Variants in ZMYM4 observed in about 807,000 individuals in gnomAD.
The protein encoded by ZMYM4 is zinc finger MYM-type containing 4, also known as zinc finger MYM-type protein 4.
ZMYM4 carries 31 observed loss-of-function variants against 183.2 expected under a neutral mutation model. The ratio of observed to expected loss-of-function variants is 0.17; its 90% confidence interval spans 0.13 to 0.23. The LOEUF is 0.23. ZMYM4 is among the 10% of genes least tolerant of loss of function. ZMYM4 has a pLI of 1.00. For missense variants in ZMYM4, 1,273 were observed against 1,840.3 expected, an observed-to-expected ratio of 0.69 and a Z score of 5.64; for synonymous variants, 592 against 631.2, an observed-to-expected ratio of 0.94 and a Z score of 0.93.
chr1:35,275,168 CTAAA>C (rs1472015809), intron 1 of ZMYM4, among the ~76,000 whole-genome samples: 1 of 152,018 alleles, frequency 6.6e-6, no homozygotes, highest in Non-Finnish European at 1.5e-5. Context: ...AAAATATACA[CTAAA>C]TATTTTGAAG....
chr1:35,342,545 T>G (rs1643240780), intron 2 of ZMYM4, among the ~76,000 whole-genome samples: 2 of 152,114 alleles, frequency 1.3e-5, no homozygotes, highest in Non-Finnish European at 2.9e-5. Context: ...TAACCAATGG[T>G]GTTGAGCATT....
chr1:35,317,133 A>G (rs985756935), intron 1 of ZMYM4, among the ~76,000 whole-genome samples: 2 of 137,634 alleles, frequency 1.5e-5, no homozygotes, highest in South Asian at 4.7e-4. Context: ...AAAAAAAAAA[A>G]AAAAGTTAAA....
Position 35,370,431 on chromosome 1 carries a change from C to A in ZMYM4, c.985C>A (p.Leu329Ile), listed in dbSNP as rs891939560. The A allele has an allele frequency of 1.1e-5, 16 of 1,482,676 alleles. No homozygotes were observed. The highest frequency in any genetic ancestry group is 1.4e-5 in the Non-Finnish European group (16 of 1,111,384). The allele number at this position is 1,482,676 out of a possible 1,614,324, so 91.8% of individuals were successfully genotyped here. The part of the protein sequence containing the change: ...SLASSGMNKM[L>I]PSVPATAVRV... Reference sequence around the variant, plus strand: ...GGCGTCATCTGGCATGAATAAAATGCTTCCTTCAGTTCCAGCCACAGCTGT... The same window carrying A: ...GGCGTCATCTGGCATGAATAAAATGATTCCTTCAGTTCCAGCCACAGCTGT... The change falls in exon 7 of 30, where the codon CTT becomes ATT. Residue 329 changes from leucine (L) to isoleucine (I), a missense_variant. This residue lies in a region of ZMYM4 where 384 missense variants were observed against 465.6 expected (regional missense o/e 0.82). Transcript: ENST00000314607.
chr1:35,306,763 A>G (rs577391988), intron 1 of ZMYM4, among the ~76,000 whole-genome samples: 1 of 152,356 alleles, frequency 6.6e-6, no homozygotes, highest in South Asian at 2.1e-4. Flanking sequence ...CTCCTCTACT[A>G]AAACTTTCTT....
At chr1:35,336,430 A>C (rs1032880010) in intron 2 of ZMYM4, among the ~76,000 whole-genome samples, 1 of 149,504 alleles carries the variant, frequency 6.7e-6, no homozygotes, top group Non-Finnish European at 1.5e-5. Context: ...CTTGTTGCCC[A>C]GGCTCCAGTG....
chr1:35,398,487 T>G, intron 21 of ZMYM4, 21 bp downstream of exon 21: 1 of 1,603,708 alleles, frequency 6.2e-7, no homozygotes, highest in Non-Finnish European at 8.5e-7. Context: ...GAAAATATGT[T>G]TTGATTTTTA....
At position 35,361,479 on chromosome 1, in the gene ZMYM4, T is replaced by C. The variant is rs553206869; in HGVS notation, c.670-140T>C. 4.8e-5 allele frequency: 50 copies of C among 1,039,784 alleles called. No individual in the cohort carries two copies. In the African/African-American group the frequency reaches 7.0e-4, roughly 15 times the overall value. The allele number at this position is 1,039,784 out of a possible 1,614,324, so 64.4% of individuals were successfully genotyped here. On this transcript the variant is annotated intron_variant, in intron 4 of 29. Transcript: ENST00000314607. ...TTTGGACATATAACACAATTACTTTTAGGCGTAGGCATAAGATCCAAAAGC... is the reference window on the plus strand; with the variant it reads ...TTTGGACATATAACACAATTACTTTCAGGCGTAGGCATAAGATCCAAAAGC...
chr1:35,288,475 T>G (rs951061727), intron 1 of ZMYM4, among the ~76,000 whole-genome samples: 3 of 152,224 alleles, frequency 2.0e-5, no homozygotes, highest in Admixed American at 2.0e-4. Context: ...TCTTTCTGAA[T>G]GTCTTTGCTA....
intron 2 of ZMYM4, among the ~76,000 whole-genome samples, chr1:35,348,354 A>G (rs1333222427): frequency 1.3e-5 from 2 of 152,240 alleles, no homozygotes; most frequent in East Asian, 3.8e-4. Flanking sequence ...ACATTGAGAC[A>G]TATACATGTG....
rs12040345 is a variant in ZMYM4 at position 35,398,970 on chromosome 1, A to G, written c.3360A>G (p.Gln1120=). 0.029 allele frequency: 47,548 copies of G among 1,614,000 alleles called. 4,049 individuals are homozygous for G. In the African/African-American group the frequency reaches 0.3, roughly 10 times the overall value. The change falls in exon 22 of 30, where the codon CAA becomes CAG. Residue 1120 remains glutamine, a synonymous_variant. Transcript: ENST00000314607. ...ATGCCTTAAAGTCAAATGCTGTGCA[A>G]GAGGCTGATTCAGAATTGAAGCAGT... ...NHYALKSNAV[Q]EADSELKQFS...
chr1:35,286,526 ATCTT>A, intron 1 of ZMYM4, among the ~76,000 whole-genome samples: 1 of 151,898 alleles, frequency 6.6e-6, no homozygotes. Flanking sequence ...TGAAGTTAGA[ATCTT>A]TATGAGATGG....
At chr1:35,361,131 A>ACT in intron 3 of ZMYM4, 63 bp from the exon 4 acceptor site, 2 of 1,398,052 alleles carry the variant, frequency 1.4e-6, no homozygotes, top group Non-Finnish European at 1.9e-6. Context: ...TTTTTAGGTC[A>ACT]CTCTTTGTAA....
At chr1:35,323,630 G>C (rs1244971936) in intron 1 of ZMYM4, among the ~76,000 whole-genome samples, 2 of 151,640 alleles carry the variant, frequency 1.3e-5, no homozygotes, top group African/African-American at 4.8e-5. Context: ...TGCAAGCTCT[G>C]TCTCCCAGGT....
At chr1:35,291,908 T>G (rs1640782110) in intron 1 of ZMYM4, among the ~76,000 whole-genome samples, 1 of 152,160 alleles carries the variant, frequency 6.6e-6, no homozygotes, top group South Asian at 2.1e-4. Flanking sequence ...GTGCTGGGAT[T>G]ACAGGCATGA....
intron 15 of ZMYM4, 87 bp downstream of exon 15, chr1:35,390,185 T>G: frequency 1.5e-6 from 2 of 1,368,510 alleles, no homozygotes; most frequent in Non-Finnish European, 9.7e-7. Flanking sequence ...GTGTAAACAG[T>G]TGTCATTAAT....
At chr1:35,407,951 C>G in intron 25 of ZMYM4, 57 bp from the exon 26 acceptor site, 2 of 1,603,390 alleles carry the variant, frequency 1.2e-6, no homozygotes, top group East Asian at 2.2e-5. Flanking sequence ...TTCAGTTAAT[C>G]AATGCTACTA....
In ZMYM4 at chr1:35,272,747, C is replaced by T. The variant is rs530133226; in HGVS notation, c.39+3662C>T. ...TTTTTGAGATGGAGTCTTGCTCTGT[C>T]GCCCATGCTGGAGTGCAGTGGCGCT... On this transcript the variant is annotated intron_variant, in intron 1 of 29. Coordinates refer to ENST00000314607, the MANE Select transcript of ZMYM4 (RefSeq NM_005095.3). Among the ~76,000 whole-genome samples, 8 of 152,190 alleles carry T rather than the reference C, an allele frequency of 5.3e-5. No homozygotes were observed. In the South Asian group the frequency reaches 1.5e-3, roughly 28 times the overall value.
intron 25 of ZMYM4, 148 bp from the exon 26 acceptor site, chr1:35,407,860 T>C (rs1645031790): frequency 2.0e-6 from 2 of 979,886 alleles, no homozygotes; most frequent in Admixed American, 2.5e-5. Flanking sequence ...TGAAGTAGAC[T>C]TGAGATCAGA....
intron 1 of ZMYM4, among the ~76,000 whole-genome samples, chr1:35,307,923 G>A (rs1391011453): frequency 2.6e-5 from 4 of 151,760 alleles, no homozygotes; most frequent in African/African-American, 4.8e-5. Context: ...TCCGCCTCCC[G>A]GGTTCAAGTG....
Sources: allele counts gnomAD v4.1 joint callset (sites outside exome capture counted in the v4.1 genomes callset), GRCh38; gene constraint gnomAD v4.1.1; regional missense constraint gnomAD v4.1.1; transcripts MANE v1.5; gene names NCBI Gene and HGNC (gene_info 2026-07-23, HGNC 2026-07-21).